The following EPHA5 variants were observed in gnomAD, a reference collection of about 807,000 sequenced individuals.
The protein encoded by EPHA5 is ephrin type-A receptor 5.
EPHA5 carries 60 observed loss-of-function variants against 105.0 expected under a neutral mutation model. The ratio of observed to expected loss-of-function variants is 0.57; its 90% CI spans 0.46 to 0.71. The LOEUF (loss-of-function observed/expected upper bound fraction) is 0.71, where lower values mean the gene tolerates loss of function less well. EPHA5 is among the 30% of genes least tolerant of loss of function. EPHA5 has a pLI of 0.00. For missense variants in EPHA5, 1,218 were observed against 1,274.7 expected, an observed-to-expected ratio of 0.96 and a Z score of 0.68; for synonymous variants, 513 against 449.1, an observed-to-expected ratio of 1.14 and a Z score of -1.80.
chr4:65,514,109 C>T (rs1023898415), intron 3 of EPHA5, among the ~76,000 whole-genome samples: 7 of 152,148 alleles, frequency 4.6e-5, no homozygotes, highest in Admixed American at 3.9e-4. Flanking sequence ...GCTGTTCTCT[C>T]CCATGCTTGC....
At chr4:65,537,699 T>C (rs965873681) in intron 3 of EPHA5, among the ~76,000 whole-genome samples, 2 of 151,734 alleles carry the variant, frequency 1.3e-5, no homozygotes, top group African/African-American at 4.8e-5. Context: ...TGAGAAATTA[T>C]ATAGTGGGAG....
At chr4:65,618,636 T>A (rs4487412) in intron 2 of EPHA5, among the ~76,000 whole-genome samples, 137,796 of 152,222 alleles carry the variant, frequency 0.91, 62,438 homozygotes, top group Admixed American at 0.92. Context: ...TCATTTCTGC[T>A]ACGAATTTTA....
chr4:65,606,972 C>T (rs1744289029), intron 2 of EPHA5, among the ~76,000 whole-genome samples: 1 of 152,136 alleles, frequency 6.6e-6, no homozygotes, highest in East Asian at 1.9e-4. Flanking sequence ...GAAAGCTGTT[C>T]TTCACACTTT....
intron 1 of EPHA5, among the ~76,000 whole-genome samples, chr4:65,658,246 G>C (rs940808919): frequency 1.3e-5 from 2 of 152,080 alleles, no homozygotes; most frequent in Non-Finnish European, 2.9e-5. Flanking sequence ...ATTGCACTAA[G>C]AGCAGTTCTT....
chr4:65,594,482 T>C (rs910584286), intron 3 of EPHA5, among the ~76,000 whole-genome samples: 4 of 152,194 alleles, frequency 2.6e-5, no homozygotes, highest in Non-Finnish European at 5.9e-5. Context: ...TTATTACTGT[T>C]ACTGTAAAGA....
intron 16 of EPHA5, among the ~76,000 whole-genome samples, chr4:65,330,310 T>G (rs1054268286): frequency 3.3e-5 from 5 of 150,718 alleles, no homozygotes; most frequent in Admixed American, 2.0e-4. Flanking sequence ...CTAAAGAGCA[T>G]TTGGGGATAG....
At chr4:65,622,331 T>C (rs2149477760) in intron 2 of EPHA5, among the ~76,000 whole-genome samples, 1 of 152,154 alleles carries the variant, frequency 6.6e-6, no homozygotes, top group South Asian at 2.1e-4. Flanking sequence ...GAGCTTTTCT[T>C]GAAAAACAGT....
At chr4:65,531,964 G>T (rs934764116) in intron 3 of EPHA5, among the ~76,000 whole-genome samples, 15 of 152,102 alleles carry the variant, frequency 9.9e-5, no homozygotes. Flanking sequence ...GTGTATACGA[G>T]GCTTAATATG....
At chr4:65,546,927 C>T (rs142606604) in intron 3 of EPHA5, among the ~76,000 whole-genome samples, 6 of 151,820 alleles carry the variant, frequency 4.0e-5, no homozygotes, top group South Asian at 2.1e-4. Flanking sequence ...CACATGTACG[C>T]GTAATACATT....
intron 14 of EPHA5, among the ~76,000 whole-genome samples, chr4:65,340,866 T>A (rs966322795): frequency 6.6e-6 from 1 of 152,152 alleles, no homozygotes; most frequent in African/African-American, 2.4e-5. Flanking sequence ...TCATCACATG[T>A]GCACCTGCAT....
rs564800530 is a variant in EPHA5 at position 65,332,104 on chromosome 4, A to G, written c.2814T>C (p.His938=). The change falls in exon 16 of 17, where the codon CAT becomes CAC. Residue 938 remains histidine, a synonymous_variant. Coordinates refer to ENST00000613740, the MANE Select transcript of EPHA5 (RefSeq NM_001281766.3). ...SCRVSNLLAE[H]SPLGSGAYRS... ...TGTAGGCCCCAGATCCTAGTGGGCT[A>G]TGTTCTGCCAATAAATTAGATACTC... 11 of 1,603,312 alleles carry G rather than the reference A, an allele frequency of 6.9e-6. No individual in the cohort carries two copies. In the South Asian group the frequency reaches 1.2e-4, roughly 18 times the overall value.
At chr4:65,615,505 G>A (rs1745151338) in intron 2 of EPHA5, among the ~76,000 whole-genome samples, 1 of 151,810 alleles carries the variant, frequency 6.6e-6, no homozygotes, top group Non-Finnish European at 1.5e-5. Flanking sequence ...CAAAGTGCTA[G>A]AAAAACAATA....
Position 65,669,951 on chromosome 4 carries a change from G to T in EPHA5, c.-209C>A. The stretch of plus-strand genomic sequence containing the variant: ...CTGGCTCCTCTCGCCTCCCCCTTTG[G>T]TGGGGTTAAATGAAATATTAGTTCT... On this transcript the variant is annotated 5_prime_UTR_variant, in exon 1 of 17. Transcript: ENST00000613740. 1.5e-6 allele frequency: 1 copy of T among 678,892 alleles called. No homozygotes were observed. The highest frequency in any genetic ancestry group is 2.1e-6 in the Non-Finnish European group (1 of 483,504). The allele number at this position is 678,892 out of a possible 1,614,324, so 42.1% of individuals were successfully genotyped here. A position where few individuals can be genotyped will look rare whatever the true frequency, so the allele number is the denominator to read the frequency against.
chr4:65,646,244 A>G (rs530505193), intron 1 of EPHA5, among the ~76,000 whole-genome samples: 2 of 152,242 alleles, frequency 1.3e-5, no homozygotes, highest in East Asian at 1.9e-4. Context: ...CTATCTCTAA[A>G]ACACTGAATG....
chr4:65,406,111 C>T (rs191785569), intron 7 of EPHA5, among the ~76,000 whole-genome samples: 1 of 152,246 alleles, frequency 6.6e-6, no homozygotes, highest in East Asian at 1.9e-4. Context: ...AAATGCTAAA[C>T]TTTCAAAGAT....
chr4:65,613,108 C>G (rs773480017), intron 2 of EPHA5, among the ~76,000 whole-genome samples: 2 of 151,910 alleles, frequency 1.3e-5, no homozygotes, highest in Non-Finnish European at 2.9e-5. Flanking sequence ...TCCAATTTTC[C>G]CAGTACCATT....
intron 13 of EPHA5, among the ~76,000 whole-genome samples, chr4:65,349,549 G>A (rs1183942699): frequency 2.0e-5 from 3 of 152,148 alleles, no homozygotes; most frequent in East Asian, 3.9e-4. Context: ...CCATTTTGCA[G>A]GAAGGGAAAG....
chr4:65,501,108 A>T (rs1036753065), intron 3 of EPHA5, among the ~76,000 whole-genome samples: 1 of 151,432 alleles, frequency 6.6e-6, no homozygotes, highest in Non-Finnish European at 1.5e-5. Context: ...GTGGGTTTAA[A>T]ATATGTGTTT....
At position 65,351,374 on chromosome 4, in the gene EPHA5, T is replaced by G. The variant is rs1280835926; in HGVS notation, c.2445+15A>C. 6.2e-7 allele frequency: 1 copy of G among 1,610,920 alleles called. No homozygotes were observed. The highest frequency in any genetic ancestry group is 8.5e-7 in the Non-Finnish European group (1 of 1,177,722). On this transcript the variant is annotated intron_variant, in intron 13 of 16. Transcript: ENST00000613740. ...TCTGGTCTAGTGTTTAGAAATGCACTCTGTTAGATCTTACCCTTGTGGTGT... is the reference window on the plus strand; with the variant it reads ...TCTGGTCTAGTGTTTAGAAATGCACGCTGTTAGATCTTACCCTTGTGGTGT...
Sources: allele counts gnomAD v4.1 joint callset (sites outside exome capture counted in the v4.1 genomes callset), GRCh38; gene constraint gnomAD v4.1.1; transcripts MANE v1.5; gene names NCBI Gene and HGNC (gene_info 2026-07-23, HGNC 2026-07-21).